The following ZZEF1 variants were observed in gnomAD, a reference collection of about 807,000 sequenced individuals.
ZZEF1 encodes the protein zinc finger ZZ-type and EF-hand domain containing 1.
ZZEF1 carries 157 observed loss-of-function variants against 342.8 expected under a neutral mutation model. The ratio of observed to expected loss-of-function variants is 0.46; its 90% CI spans 0.40 to 0.52. The LOEUF (loss-of-function observed/expected upper bound fraction) is 0.52, where lower values mean the gene tolerates loss of function less well. Among genes scored for constraint, ZZEF1 ranks in the 20% least tolerant of loss-of-function variants. The pLI, the probability that ZZEF1 is intolerant of heterozygous loss-of-function variation, is 0.00. For missense variants in ZZEF1, 3,480 were observed against 3,725.6 expected (o/e 0.93, Z 1.72); for synonymous variants, 1,505 against 1,429.1 (o/e 1.05, Z -1.20).
intron 1 of ZZEF1, among the ~76,000 whole-genome samples, chr17:4,125,627 G>A (rs2058561395): frequency 6.6e-6 from 1 of 152,212 alleles, no homozygotes; most frequent in South Asian, 2.1e-4. Flanking sequence ...CAAAAGGAGA[G>A]CAGGTATTAT....
chr17:4,031,822 T>C (rs1394404158), intron 42 of ZZEF1, among the ~76,000 whole-genome samples: 1 of 152,094 alleles, frequency 6.6e-6, no homozygotes, highest in Non-Finnish European at 1.5e-5. Context: ...TATGTTTAAA[T>C]TACCCATAGA....
chr17:4,133,970 G>A (rs573490420), intron 1 of ZZEF1, among the ~76,000 whole-genome samples: 1 of 152,242 alleles, frequency 6.6e-6, no homozygotes, highest in Admixed American at 6.5e-5. Context: ...CTCCCAGACT[G>A]CTGGATTTAT....
chr17:4,013,346 A>T (rs1482597430), intron 52 of ZZEF1, 103 bp downstream of exon 52: 6 of 1,171,772 alleles, frequency 5.1e-6, no homozygotes, highest in Non-Finnish European at 6.8e-6. Context: ...TTAAAGCCAC[A>T]AATGTCTTTT....
intron 33 of ZZEF1, among the ~76,000 whole-genome samples, 183 bp from the exon 34 acceptor site, chr17:4,054,378 T>C (rs2057112048): frequency 6.6e-6 from 1 of 152,176 alleles, no homozygotes; most frequent in Non-Finnish European, 1.5e-5. Flanking sequence ...TGATGACCAT[T>C]TAGTATGACC....
At chr17:4,076,210 C>A (rs1459357451) in intron 21 of ZZEF1, 2 of 142,680 alleles carry the variant, frequency 1.4e-5, no homozygotes, top group African/African-American at 5.4e-5. Context: ...CGGCTCACTG[C>A]AAGCTCCGCC....
chr17:4,087,227 G>C (rs1263792294), intron 14 of ZZEF1, among the ~76,000 whole-genome samples: 1 of 152,148 alleles, frequency 6.6e-6, no homozygotes, highest in Admixed American at 6.6e-5. Flanking sequence ...AATGAGGACA[G>C]TACTGTAATC....
chr17:4,104,260 C>T lies in ZZEF1; in HGVS notation c.1573+373G>A, dbSNP rs114986015. ...CGTATCTTGGCTAGTTTCCTCCCTC[C>T]AACAGGTAAGAACTACTCCAACCCT... On this transcript the variant is annotated intron_variant, in intron 8 of 54. Transcript: ENST00000381638. Among the ~76,000 whole-genome samples, 973 of 152,282 alleles carry T rather than the reference C, an allele frequency of 6.4e-3. 14 individuals are homozygous for T. Among genetic ancestry groups the T allele is most frequent in the African/African-American group, 0.022 (920 of 41,558 alleles).
chr17:4,024,186 GTTT>G (rs754985234), intron 43 of ZZEF1, among the ~76,000 whole-genome samples: 2 of 94,428 alleles, frequency 2.1e-5, no homozygotes, highest in South Asian at 3.8e-4. Context: ...TATTGCCCAG[GTTT>G]TTTTTTTTTT....
intron 3 of ZZEF1, among the ~76,000 whole-genome samples, chr17:4,116,209 C>A (rs1349654194): frequency 6.6e-6 from 1 of 152,196 alleles, no homozygotes; most frequent in East Asian, 1.9e-4. Context: ...ATCCCAGCTA[C>A]TCAGGAGGCT....
At chr17:4,114,232 G>C in intron 4 of ZZEF1, 67 bp downstream of exon 4, 2 of 1,283,432 alleles carry the variant, frequency 1.6e-6, no homozygotes, top group South Asian at 2.1e-5. Flanking sequence ...AAAATACAAA[G>C]AGTAGGCAGT....
intron 39 of ZZEF1, among the ~76,000 whole-genome samples, chr17:4,034,500 C>T (rs1287327297): frequency 2.6e-5 from 4 of 152,084 alleles, no homozygotes; most frequent in African/African-American, 9.7e-5. Flanking sequence ...TATTTCTTTA[C>T]CCTGAAAAAG....
Position 4,070,775 on chromosome 17 carries a change from AACT to A in ZZEF1, c.3981_3983del (p.Val1328del). The A allele has an allele frequency of 1.2e-6, 2 of 1,614,172 alleles. No homozygotes were observed. Among genetic ancestry groups the A allele is most frequent in the Non-Finnish European group, 1.7e-6 (2 of 1,180,020 alleles). On this transcript the variant is annotated inframe_deletion, in exon 26 of 55. Coordinates refer to ENST00000381638, the MANE Select transcript of ZZEF1 (RefSeq NM_015113.4). ...CAGCTTGATCAATAGTGGAACCAGC[AACT>A]ATATCTGTCTTTGGGGCCTGTTTTC...
At chr17:4,041,207 T>G in intron 39 of ZZEF1, among the ~76,000 whole-genome samples, 1 of 152,154 alleles carries the variant, frequency 6.6e-6, no homozygotes, top group Non-Finnish European at 1.5e-5. Flanking sequence ...AAATATCCTG[T>G]TCTCCTCATT....
In ZZEF1 at chr17:4,049,692, A is replaced by T; in HGVS notation, c.6015+16T>A. The T allele has an allele frequency of 6.2e-7, 1 of 1,613,832 alleles. No homozygotes were observed. Reference sequence around the variant, plus strand: ...GTTCAACCTGTGATTCTGTGTAGTAAAGAATCGTCATTTACATTGCCTGCT... The same window carrying T: ...GTTCAACCTGTGATTCTGTGTAGTATAGAATCGTCATTTACATTGCCTGCT... On this transcript the variant is annotated intron_variant, in intron 37 of 54. Coordinates refer to ENST00000381638, the MANE Select transcript of ZZEF1 (RefSeq NM_015113.4).
In ZZEF1 at chr17:4,016,710, T is replaced by A; in HGVS notation, c.8002-244A>T. The A allele has an allele frequency of 2.2e-6, 1 of 444,864 alleles. No homozygotes were observed. The highest frequency in any genetic ancestry group is 3.7e-5 in the East Asian group (1 of 27,262). The allele number at this position is 444,864 out of a possible 1,614,324, so 27.6% of individuals were successfully genotyped here. On this transcript the variant is annotated intron_variant, in intron 48 of 54. Transcript: ENST00000381638. The surrounding 1 kb of genome is among the most constrained non-coding windows in gnomAD (Gnocchi z 4.4). Reference sequence around the variant, plus strand: ...CTACTTAGAGGTGGTCTGAAAGAACTAACTGAACCAATCATAAAGGGTCCT... The same window carrying A: ...CTACTTAGAGGTGGTCTGAAAGAACAAACTGAACCAATCATAAAGGGTCCT...
intron 28 of ZZEF1, among the ~76,000 whole-genome samples, chr17:4,065,259 TG>T (rs1301162904): frequency 2.0e-5 from 3 of 152,036 alleles, no homozygotes; most frequent in East Asian, 3.9e-4. Flanking sequence ...TAACCAGACA[TG>T]GTGGCACACG....
intron 34 of ZZEF1, among the ~76,000 whole-genome samples, chr17:4,052,593 G>A (rs1007209729): frequency 1.3e-5 from 2 of 152,186 alleles, no homozygotes; most frequent in African/African-American, 4.8e-5. Context: ...AGGGCCAGGC[G>A]TTGTGGCTCA....
intron 9 of ZZEF1, 136 bp downstream of exon 9, chr17:4,102,181 A>T (rs2058138145): frequency 1.4e-6 from 1 of 696,918 alleles, no homozygotes; most frequent in Non-Finnish European, 2.5e-6. Context: ...CAAATTGCTC[A>T]GCAACCACTG....
rs2057004306 is a variant in ZZEF1, at chr17:4,049,737, G to T, written c.5986C>A (p.Gln1996Lys). Residue 1996 changes from glutamine to lysine, a missense_variant, in exon 37 of 55, where the codon CAG becomes AAG. Physicochemically the swap from Gln to Lys is moderately conservative, Grantham distance 53 (BLOSUM62 1). Transcript: ENST00000381638. ...SEEQLEKKAVQGAELSEAGNG... is the reference protein window; with the variant it reads ...SEEQLEKKAVKGAELSEAGNG... ...CCTGCTTCTGACAGCTCAGCACCCT[G>T]GACAGCTTTCTTCTCTAGCTGCTCC... is the stretch of plus-strand genomic sequence containing the variant. The T allele has an allele frequency of 6.2e-7, 1 of 1,613,950 alleles. No homozygotes were observed. The highest frequency in any genetic ancestry group is 1.3e-5 in the African/African-American group (1 of 74,858).
Sources: gnomAD v4.1 joint callset for allele counts (sites outside exome capture counted in the v4.1 genomes callset) on GRCh38, gnomAD v4.1.1 for gene constraint, Gnocchi (gnomAD v3.1) non-coding constraint, MANE v1.5 for transcripts, NCBI Gene and HGNC (gene_info 2026-07-23, HGNC 2026-07-21) for gene names.